The following ADARB1 variants were observed in gnomAD, a reference collection of about 807,000 sequenced individuals.
ADARB1 encodes the protein adenosine deaminase RNA specific B1, also known as double-stranded RNA-specific editase 1.
Under a neutral mutation model 52.4 loss-of-function variants are expected in ADARB1, and 10 were observed. The observed-to-expected ratio is 0.19, with a 90% CI of 0.12 to 0.32. The LOEUF (loss-of-function observed/expected upper bound fraction) is 0.32, where lower values mean the gene tolerates loss of function less well. Ranked by LOEUF, ADARB1 falls within the 10% of genes least tolerant of loss-of-function variation. The pLI, the probability that ADARB1 is intolerant of heterozygous loss-of-function variation, is 1.00. For synonymous variants in ADARB1, 349 were observed against 371.1 expected, an observed-to-expected ratio of 0.94 and a Z score of 0.68; for missense variants, 643 against 922.3, an observed-to-expected ratio of 0.70 and a Z score of 3.92.
Position 45,089,413 on chromosome 21 carries a change from G to A in ADARB1, c.-220+14620G>A, listed in dbSNP as rs577316011. On this transcript the variant is annotated intron_variant, in intron 1 of 10. Coordinates refer to ENST00000348831, the MANE Select transcript of ADARB1 (RefSeq NM_001112.4). Reference sequence around the variant, plus strand: ...CTGTCTCTGTTTCTTCCCATGTGAAGCTGTTTACCTGGTTTATCTTGGTCT... The same window carrying A: ...CTGTCTCTGTTTCTTCCCATGTGAAACTGTTTACCTGGTTTATCTTGGTCT... 2.6e-5 allele frequency among the ~76,000 whole-genome samples: 4 copies of A among 152,238 alleles called. No individual in the cohort carries two copies. The East Asian group carries it at 7.7e-4, about 29-fold the overall frequency.
intron 1 of ADARB1, among the ~76,000 whole-genome samples, chr21:45,094,282 G>A (rs1045897659): frequency 1.3e-5 from 2 of 152,164 alleles, no homozygotes; most frequent in Non-Finnish European, 2.9e-5. Flanking sequence ...GATAACCTCT[G>A]TGAGGCTGTT....
Position 45,208,195 on chromosome 21 carries a change from C to A in ADARB1, c.1747+3459C>A, listed in dbSNP as rs765920665. On this transcript the variant is annotated intron_variant, in intron 9 of 10. Coordinates refer to ENST00000348831, the MANE Select transcript of ADARB1 (RefSeq NM_001112.4). The surrounding 1 kb of genome is among the most constrained non-coding windows in gnomAD (Gnocchi z 5.6). ...CTCCTCAGCTGGCCCAGTTTGTTGTCCAACGCTCACTAAGATAAACCAAGA... is the reference window on the plus strand; with the variant it reads ...CTCCTCAGCTGGCCCAGTTTGTTGTACAACGCTCACTAAGATAAACCAAGA... Among the ~76,000 whole-genome samples, 1 of 152,146 alleles carries A rather than the reference C, an allele frequency of 6.6e-6. No homozygotes were observed. The highest frequency in any genetic ancestry group is 6.5e-5 in the Admixed American group (1 of 15,280).
intron 9 of ADARB1, among the ~76,000 whole-genome samples, chr21:45,215,238 A>G (rs780938508): frequency 2.4e-4 from 36 of 151,888 alleles, no homozygotes; most frequent in Non-Finnish European, 3.8e-4. Context: ...TATAGAGACA[A>G]TGTCTTCCTA....
At chr21:45,096,281 A>T (rs2086757922) in intron 1 of ADARB1, among the ~76,000 whole-genome samples, 1 of 152,120 alleles carries the variant, frequency 6.6e-6, no homozygotes, top group South Asian at 2.1e-4. Context: ...AGAGTGCGTG[A>T]GTTGGATTCT....
At chr21:45,079,266 T>C (rs1306162754) in intron 1 of ADARB1, among the ~76,000 whole-genome samples, 1 of 152,270 alleles carries the variant, frequency 6.6e-6, no homozygotes, top group Non-Finnish European at 1.5e-5. Flanking sequence ...GCTTTCTTGT[T>C]ACCCAGCATT....
At chr21:45,089,824 G>T (rs1186868434) in intron 1 of ADARB1, among the ~76,000 whole-genome samples, 3 of 152,162 alleles carry the variant, frequency 2.0e-5, no homozygotes, top group African/African-American at 7.2e-5. Flanking sequence ...TGTATGTTGT[G>T]TCCACAGCTT....
At chr21:45,194,136 T>A (rs928390948) in intron 8 of ADARB1, among the ~76,000 whole-genome samples, 4 of 152,216 alleles carry the variant, frequency 2.6e-5, no homozygotes, top group African/African-American at 9.6e-5. Flanking sequence ...TGATTCCTTA[T>A]TATTTAGAGT....
At position 45,220,788 on chromosome 21, in the gene ADARB1, G is replaced by A. The variant is rs1415115781; in HGVS notation, c.1748-48G>A. On this transcript the variant is annotated intron_variant, in intron 9 of 10. Transcript: ENST00000348831. The surrounding 1 kb of genome is among the most constrained non-coding windows in gnomAD (Gnocchi z 6.3). ...TGCCGCCCGTGGCTGCTCCCTCCCT[G>A]GGGGTGAAAGCGGGCTTCACACCAC... 2 of 1,595,148 alleles carry A rather than the reference G, an allele frequency of 1.3e-6. No homozygotes were observed. The highest frequency in any genetic ancestry group is 1.7e-4 in the Middle Eastern group (1 of 5,992).
Position 45,225,529 on chromosome 21 carries a change from C to T in ADARB1, c.*3332C>T, listed in dbSNP as rs890386076. 1.5e-6 allele frequency: 2 copies of T among 1,332,202 alleles called. No homozygotes were observed. Among genetic ancestry groups the T allele is most frequent in the African/African-American group, 1.5e-5 (1 of 66,878 alleles). 82.5% of individuals were successfully genotyped at this position (1,332,202 alleles called of 1,614,324 possible). A position where few individuals can be genotyped will look rare whatever the true frequency, so the allele number is the denominator to read the frequency against. The stretch of plus-strand genomic sequence containing the variant: ...CTTTCTTTGTGAAGACAGTGTCTCT[C>T]CTTGTAATCTCACACAGGTACACTG... On this transcript the variant is annotated 3_prime_UTR_variant, in exon 11 of 11. Coordinates refer to ENST00000348831, the MANE Select transcript of ADARB1 (RefSeq NM_001112.4).
At chr21:45,193,616 C>T (rs1371506958) in intron 8 of ADARB1, among the ~76,000 whole-genome samples, 1 of 152,156 alleles carries the variant, frequency 6.6e-6, no homozygotes, top group Non-Finnish European at 1.5e-5. Context: ...TGCAGACATA[C>T]TTATCTATGT....
chr21:45,148,855 A>G (rs2090140297), intron 2 of ADARB1, among the ~76,000 whole-genome samples: 1 of 152,082 alleles, frequency 6.6e-6, no homozygotes, highest in Admixed American at 6.5e-5. Context: ...CTCTCCACCC[A>G]TGCCGCCATG....
chr21:45,161,609 T>C (rs552259533), intron 2 of ADARB1, among the ~76,000 whole-genome samples: 5 of 152,328 alleles, frequency 3.3e-5, no homozygotes, highest in Admixed American at 6.5e-5. Context: ...AGGAACACTC[T>C]GGATGCCATG....
Position 45,224,953 on chromosome 21 carries a change from C to T in ADARB1, c.*2756C>T, listed in dbSNP as rs1253331202. On this transcript the variant is annotated 3_prime_UTR_variant, in exon 11 of 11. Coordinates refer to ENST00000348831, the MANE Select transcript of ADARB1 (RefSeq NM_001112.4). ...GACGTGTCACTCTCCATCCAGTGTC[C>T]TTGATGTGGCTTTTAGAGACTTAGC... 9.1e-6 allele frequency: 9 copies of T among 985,370 alleles called. No individual in the cohort carries two copies. Among genetic ancestry groups the T allele is most frequent in the Non-Finnish European group, 1.1e-5 (9 of 829,932 alleles). 61.0% of individuals were successfully genotyped at this position (985,370 alleles called of 1,614,324 possible).
chr21:45,174,293 C>CACA (rs1436706935), intron 3 of ADARB1, among the ~76,000 whole-genome samples: 3 of 152,204 alleles, frequency 2.0e-5, no homozygotes, highest in Non-Finnish European at 4.4e-5. Context: ...TTGCAGGGCA[C>CACA]TGTAGCCCTC....
intron 8 of ADARB1, among the ~76,000 whole-genome samples, chr21:45,190,806 G>C (rs894040212): frequency 6.6e-6 from 1 of 152,240 alleles, no homozygotes; most frequent in South Asian, 2.1e-4. Flanking sequence ...CCTTTGGGCA[G>C]ACTCCAGACA....
intron 4 of ADARB1, among the ~76,000 whole-genome samples, chr21:45,178,761 T>A (rs2091806353): frequency 1.3e-5 from 2 of 152,184 alleles, no homozygotes; most frequent in Admixed American, 1.3e-4. Context: ...GCATTTTTTT[T>A]GTTCTTATAT....
intron 2 of ADARB1, among the ~76,000 whole-genome samples, chr21:45,150,944 G>T (rs1401757914): frequency 6.6e-6 from 1 of 152,212 alleles, no homozygotes. Context: ...TTTACTTACA[G>T]GTCCTGAGCA....
At chr21:45,116,740 G>A (rs751224911) in intron 1 of ADARB1, among the ~76,000 whole-genome samples, 4 of 152,274 alleles carry the variant, frequency 2.6e-5, no homozygotes, top group East Asian at 1.9e-4. Context: ...GTCAGATCCC[G>A]TGAGAACTCA....
At position 45,225,091 on chromosome 21, in the gene ADARB1, T is replaced by C; in HGVS notation, c.*2894T>C. 3 of 680,500 alleles carry C rather than the reference T, an allele frequency of 4.4e-6. No homozygotes were observed. Among genetic ancestry groups the C allele is most frequent in the Non-Finnish European group, 5.4e-6 (3 of 556,608 alleles). The allele number at this position is 680,500 out of a possible 1,614,324, so 42.2% of individuals were successfully genotyped here. On this transcript the variant is annotated 3_prime_UTR_variant, in exon 11 of 11. Transcript: ENST00000348831. The stretch of plus-strand genomic sequence containing the variant: ...TTCTGTTGTTTTGTTTTGTTTTGTT[T>C]TGTTAACTAAACCTGAAGTATTAAT...
Sources: gnomAD v4.1 joint callset for allele counts (sites outside exome capture counted in the v4.1 genomes callset) on GRCh38, gnomAD v4.1.1 for gene constraint, Gnocchi (gnomAD v3.1) non-coding constraint, MANE v1.5 for transcripts, NCBI Gene and HGNC (gene_info 2026-07-23, HGNC 2026-07-21) for gene names.